PDZD2: variants seen among roughly 807,000 people sequenced by gnomAD.
PDZD2 encodes PDZ domain containing 2.
PDZD2 carries 90 observed loss-of-function variants against 220.7 expected under a neutral mutation model. That is an observed-to-expected ratio of 0.41 (90% CI 0.34 to 0.49). The LOEUF (loss-of-function observed/expected upper bound fraction) is 0.49. PDZD2 is among the 20% of genes least tolerant of loss of function. The probability of loss-of-function intolerance (pLI) is 0.28; values close to 1 mark genes in which losing one functional copy is unlikely to be tolerated. For missense variants in PDZD2, 3,174 were observed against 3,608.5 expected (o/e 0.88, Z 3.08); for synonymous variants, 1,375 against 1,450.5 (o/e 0.95, Z 1.18).
intron 1 of PDZD2, among the ~76,000 whole-genome samples, chr5:31,777,233 G>T (rs958096527): frequency 2.0e-5 from 3 of 152,192 alleles, no homozygotes; most frequent in African/African-American, 7.2e-5. Flanking sequence ...GGCAGTGAGG[G>T]GCTTAGCACC....
intron 17 of PDZD2, among the ~76,000 whole-genome samples, chr5:32,072,940 C>T (rs1473210240): frequency 6.6e-6 from 1 of 152,142 alleles, no homozygotes; most frequent in Non-Finnish European, 1.5e-5. Flanking sequence ...TCCCTTCCCT[C>T]ACCAGGCCCT....
intron 2 of PDZD2, among the ~76,000 whole-genome samples, chr5:31,952,336 C>T (rs902928144): frequency 5.3e-5 from 8 of 152,198 alleles, no homozygotes; most frequent in Admixed American, 1.3e-4. Context: ...TTTGTAATCT[C>T]TGTATCCCTT....
chr5:31,822,023 C>T (rs963531735), intron 2 of PDZD2, among the ~76,000 whole-genome samples: 1 of 152,156 alleles, frequency 6.6e-6, no homozygotes, highest in South Asian at 2.1e-4. Context: ...AGGACATGAA[C>T]TCATCGTTTT....
chr5:31,714,457 TGTCATTGA>T (rs1198278176), intron 1 of PDZD2, among the ~76,000 whole-genome samples: 2 of 152,110 alleles, frequency 1.3e-5, no homozygotes, highest in Non-Finnish European at 2.9e-5. Flanking sequence ...AGGGAAATAG[TGTCATTGA>T]GGAGGTAGGA....
At chr5:32,052,450 C>T (rs1171426437) in intron 8 of PDZD2, 161 bp from the exon 9 acceptor site, 11 of 652,470 alleles carry the variant, frequency 1.7e-5, no homozygotes, top group South Asian at 3.7e-5. Context: ...CCAGCACCTG[C>T]GATAGTATTT....
At chr5:31,849,949 CATATA>C (rs1561507284) in intron 2 of PDZD2, among the ~76,000 whole-genome samples, 443 of 20,432 alleles carry the variant, frequency 0.022, 164 homozygotes, top group African/African-American at 0.11. Flanking sequence ...TATATATATA[CATATA>C]TATATATACA....
chr5:31,668,018 C>T (rs527434079), intron 1 of PDZD2, among the ~76,000 whole-genome samples: 11 of 152,084 alleles, frequency 7.2e-5, no homozygotes, highest in East Asian at 1.9e-4. Flanking sequence ...CCCACCACTA[C>T]GCCCGGCTAC....
In PDZD2 at chr5:32,100,587, G is replaced by C. The variant is rs1022530020; in HGVS notation, c.8219-518G>C. On this transcript the variant is annotated intron_variant, in intron 23 of 24. Transcript: ENST00000438447. ...CAGGAGCAGGAGTGGCAGGAGCGGG[G>C]AGGCAGGAAGCTCTCTGGGTTCCTG... 3 of 341,566 alleles carry C rather than the reference G, an allele frequency of 8.8e-6. No individual in the cohort carries two copies. The East Asian group carries it at 2.4e-4, about 27-fold the overall frequency. The allele number at this position is 341,566 out of a possible 1,614,324, so 21.2% of individuals were successfully genotyped here. A position where few individuals can be genotyped will look rare whatever the true frequency, so the allele number is the denominator to read the frequency against.
chr5:31,647,980 T>TGC (rs746197353), intron 1 of PDZD2, among the ~76,000 whole-genome samples: 82 of 152,230 alleles, frequency 5.4e-4, no homozygotes, highest in Non-Finnish European at 8.1e-4. Context: ...TCCGTGATTG[T>TGC]TCACGGTATG....
In PDZD2 at chr5:31,639,699, A is replaced by G. The variant is rs1327797012; in HGVS notation, c.-361+262A>G. ...GGGCTAGACAGAGCGGGACCGAGAC[A>G]GCGGGACAACCGGAGACGCACTGCC... On this transcript the variant is annotated intron_variant, in intron 1 of 24. Transcript: ENST00000438447. The surrounding 1 kb of genome is among the most constrained non-coding windows in gnomAD (Gnocchi z 4.1). Among the ~76,000 whole-genome samples the G allele has an allele frequency of 6.6e-6, 1 of 152,112 alleles. No individual in the cohort carries two copies. The highest frequency in any genetic ancestry group is 1.5e-5 in the Non-Finnish European group (1 of 67,980).
intron 1 of PDZD2, among the ~76,000 whole-genome samples, chr5:31,708,250 T>G (rs1266001560): frequency 6.6e-6 from 1 of 152,176 alleles, no homozygotes; most frequent in Non-Finnish European, 1.5e-5. Context: ...CCCACAATTA[T>G]AAATTAAAAT....
chr5:31,709,488 A>G (rs1195949812), intron 1 of PDZD2, among the ~76,000 whole-genome samples: 4 of 123,000 alleles, frequency 3.3e-5, no homozygotes, highest in Admixed American at 7.5e-5. Context: ...GTCTCAGGAA[A>G]AAAAATAAAA....
Position 32,108,956 on chromosome 5 carries a change from C to CACCTT in PDZD2, c.*824_*828dup, listed in dbSNP as rs1174870598. On this transcript the variant is annotated 3_prime_UTR_variant, in exon 25 of 25. Transcript: ENST00000438447. ...GAGCAGAAAGGTCAACATCTAAAAGCACCTTACAACTAGTTTTTGAACCTG... is the reference window on the plus strand; with the variant it reads ...GAGCAGAAAGGTCAACATCTAAAAGCACCTTACCTTACAACTAGTTTTTGAACCTG... 2 of 152,634 alleles carry CACCTT rather than the reference C, an allele frequency of 1.3e-5. No individual in the cohort carries two copies. Among genetic ancestry groups the CACCTT allele is most frequent in the Non-Finnish European group, 2.9e-5 (2 of 68,036 alleles). The allele number at this position is 152,634 out of a possible 1,614,324, so 9.5% of individuals were successfully genotyped here. A position where few individuals can be genotyped will look rare whatever the true frequency, so the allele number is the denominator to read the frequency against.
At chr5:31,765,072 G>A (rs528733815) in intron 1 of PDZD2, among the ~76,000 whole-genome samples, 5 of 28,324 alleles carry the variant, frequency 1.8e-4, no homozygotes, top group Non-Finnish European at 3.2e-4. Context: ...GCAAGACTGC[G>A]TCTCAAGAAA....
At chr5:31,955,326 A>G (rs1747566579) in intron 2 of PDZD2, among the ~76,000 whole-genome samples, 1 of 151,764 alleles carries the variant, frequency 6.6e-6, no homozygotes, top group Non-Finnish European at 1.5e-5. Flanking sequence ...TTCGAGACGA[A>G]GTCTTGCTCT....
chr5:31,912,945 CT>C (rs11297164), intron 2 of PDZD2, among the ~76,000 whole-genome samples: 30,103 of 152,046 alleles, frequency 0.2, 4,940 homozygotes, highest in African/African-American at 0.45. Context: ...AGTTTAGCGT[CT>C]TTTTTTATAT....
chr5:31,726,668 A>T (rs990229293), intron 1 of PDZD2, among the ~76,000 whole-genome samples: 1 of 152,100 alleles, frequency 6.6e-6, no homozygotes, highest in Admixed American at 6.6e-5. Flanking sequence ...TTGCAGGAGG[A>T]CAGAGGGTGG....
At chr5:31,775,218 G>T (rs1752569019) in intron 1 of PDZD2, among the ~76,000 whole-genome samples, 1 of 152,056 alleles carries the variant, frequency 6.6e-6, no homozygotes, top group African/African-American at 2.4e-5. Flanking sequence ...ATCTGGAACC[G>T]ATTGTAAATA....
At chr5:31,742,631 G>A (rs992530997) in intron 1 of PDZD2, among the ~76,000 whole-genome samples, 2 of 151,392 alleles carry the variant, frequency 1.3e-5, no homozygotes, top group Admixed American at 6.6e-5. Flanking sequence ...CCTGCCCTGA[G>A]TCTCTGCTCT....
Sources: gnomAD v4.1 joint callset for allele counts (sites outside exome capture counted in the v4.1 genomes callset) on GRCh38, gnomAD v4.1.1 for gene constraint, Gnocchi (gnomAD v3.1) non-coding constraint, MANE v1.5 for transcripts, NCBI Gene and HGNC (gene_info 2026-07-23, HGNC 2026-07-21) for gene names.